The following MUC5B variants were observed in gnomAD, a reference collection of about 807,000 sequenced individuals.
MUC5B encodes the protein mucin-5B.
Under a neutral mutation model 376.9 loss-of-function variants are expected in MUC5B, and 116 were observed. That is an observed-to-expected ratio of 0.31 (90% CI 0.26 to 0.36). The LOEUF (loss-of-function observed/expected upper bound fraction) is 0.36. Ranked by LOEUF, MUC5B falls within the 10% of genes least tolerant of loss-of-function variation. The probability of loss-of-function intolerance (pLI) is 1.00; values close to 1 mark genes in which losing one functional copy is unlikely to be tolerated. For synonymous variants in MUC5B, 3,517 were observed against 3,390.9 expected, an observed-to-expected ratio of 1.04 and a Z score of -1.29; for missense variants, 7,165 against 7,769.9, an observed-to-expected ratio of 0.92 and a Z score of 2.93.
chr11:1,240,434 C>T (rs1440662785), intron 30 of MUC5B, 59 bp downstream of exon 30: 4 of 1,479,114 alleles, frequency 2.7e-6, no homozygotes, highest in Admixed American at 2.0e-5. Flanking sequence ...GGAGGACCCC[C>T]TGGGCTCTTA....
In MUC5B at chr11:1,227,700, T is replaced by A; in HGVS notation, c.693T>A (p.Phe231Leu). The A allele has an allele frequency of 1.4e-6, 1 of 723,368 alleles. No individual in the cohort carries two copies. The allele number at this position is 723,368 out of a possible 1,614,324, so 44.8% of individuals were successfully genotyped here. ...ACGCCAGGCTGACCCCGCTCCAGTT[T>A]GGGAACCTGCAGAAGTTGGATGGGC... Reference protein sequence around the residue: ...AHNARLTPLQFGNLQKLDGPT... With the variant: ...AHNARLTPLQLGNLQKLDGPT... The change falls in exon 7 of 49, where the codon TTT becomes TTA. Residue 231 changes from phenylalanine (F) to leucine (L), a missense_variant. Transcript: ENST00000529681.
Position 1,230,060 on chromosome 11 carries a change from T to A in MUC5B, c.1276T>A (p.Ser426Thr), listed in dbSNP as rs1861987669. 1 of 1,611,314 alleles carries A rather than the reference T, an allele frequency of 6.2e-7. No homozygotes were observed. The highest frequency in any genetic ancestry group is 1.1e-5 in the South Asian group (1 of 90,912). The part of the protein sequence containing the change: ...CQDLPCPGTC[S>T]VQGGAHISTY... ...GGACCTGCCGTGCCCTGGCACCTGC[T>A]CTGTGCAGGGCGGGGCCCACATCTC... Residue 426 changes from serine to threonine, a missense_variant, in exon 11 of 49, where the codon TCT becomes ACT. By Grantham distance (58) the Ser-to-Thr change is moderately conservative. This residue lies in a region of MUC5B where 640 missense variants were observed against 733.0 expected (regional missense o/e 0.87). Transcript: ENST00000529681.
At position 1,247,767 on chromosome 11, in the gene MUC5B, G is replaced by T. The variant is rs1471421452; in HGVS notation, c.10887G>T (p.Glu3629Asp). Reference sequence around the variant, plus strand: ...CCCAGCCTGGTGTCCCCCTGCGGGAGTTGGGCCAGGTCGTGGAATGCAGCC... The same window carrying T: ...CCCAGCCTGGTGTCCCCCTGCGGGATTTGGGCCAGGTCGTGGAATGCAGCC... ...AQAQPGVPLRELGQVVECSLD... is the reference protein window; with the variant it reads ...AQAQPGVPLRDLGQVVECSLD... Residue 3629 changes from glutamate to aspartate, a missense_variant, in exon 31 of 49, where the codon GAG becomes GAT. Coordinates refer to ENST00000529681, the MANE Select transcript of MUC5B (RefSeq NM_002458.3). 6.2e-7 allele frequency: 1 copy of T among 1,607,722 alleles called. No homozygotes were observed. The highest frequency in any genetic ancestry group is 8.5e-7 in the Non-Finnish European group (1 of 1,177,928).
At position 1,246,840 on chromosome 11, in the gene MUC5B, C is replaced by T. The variant is rs771191429; in HGVS notation, c.9960C>T (p.Pro3320=). 13 of 1,609,912 alleles carry T rather than the reference C, an allele frequency of 8.1e-6. No individual in the cohort carries two copies. Among genetic ancestry groups the T allele is most frequent in the Admixed American group, 1.7e-5 (1 of 59,894 alleles). Residue 3320 remains proline (P), a synonymous_variant, in exon 31 of 49, where the codon CCC becomes CCT. Transcript: ENST00000529681. ...TTTTTGFTAT[P]SSSPGTALTP... ...CAACCACGGGCTTCACAGCCACCCC[C>T]TCCTCCAGCCCAGGGACGGCACTCA...
In MUC5B at chr11:1,230,859, G is replaced by A; in HGVS notation, c.1471-77G>A. Reference sequence around the variant, plus strand: ...GCTCTGTCCCCAGTGGGGGCCCCTGGGCAGGCCACCCCCTCATTTGAGAGT... The same window carrying A: ...GCTCTGTCCCCAGTGGGGGCCCCTGAGCAGGCCACCCCCTCATTTGAGAGT... On this transcript the variant is annotated intron_variant, in intron 12 of 48. Coordinates refer to ENST00000529681, the MANE Select transcript of MUC5B (RefSeq NM_002458.3). 4.6e-6 allele frequency: 7 copies of A among 1,514,500 alleles called. No individual in the cohort carries two copies. In the South Asian group the frequency reaches 6.0e-5, roughly 13 times the overall value. The allele number at this position is 1,514,500 out of a possible 1,614,324, so 93.8% of individuals were successfully genotyped here.
Position 1,228,605 on chromosome 11 carries a change from G to A in MUC5B, c.816G>A (p.Ala272=), listed in dbSNP as rs374102442. The A allele has an allele frequency of 2.9e-4, 438 of 1,531,528 alleles. No individual in the cohort carries two copies. The highest frequency in any genetic ancestry group is 3.4e-4 in the Non-Finnish European group (386 of 1,144,382). 94.9% of individuals were successfully genotyped at this position (1,531,528 alleles called of 1,614,324 possible). A position where few individuals can be genotyped will look rare whatever the true frequency, so the allele number is the denominator to read the frequency against. The part of the protein sequence containing the change: ...CHRTLLGPAF[A]ECHALVDSTA... The stretch of plus-strand genomic sequence containing the variant: ...GCACCCTGCTGGGGCCGGCCTTTGC[G>A]GAGTGCCACGCACTGGTGGACAGCA... The change falls in exon 8 of 49, where the codon GCG becomes GCA. Residue 272 remains alanine, a synonymous_variant. Coordinates refer to ENST00000529681, the MANE Select transcript of MUC5B (RefSeq NM_002458.3).
chr11:1,223,747 CG>C (rs1033307228), intron 1 of MUC5B, among the ~76,000 whole-genome samples: 1 of 152,260 alleles, frequency 6.6e-6, no homozygotes, highest in Non-Finnish European at 1.5e-5. Context: ...CATCTCATGC[CG>C]CACGGGCTGC....
chr11:1,235,557 AG>A, intron 23 of MUC5B, 144 bp downstream of exon 23: 1 of 705,328 alleles, frequency 1.4e-6, no homozygotes, highest in Non-Finnish European at 2.4e-6. Context: ...GCCACAAACC[AG>A]GGGGCTTAGA....
rs757312427 is a variant in MUC5B, at chr11:1,255,569, GCGGCCC to G, written c.16066+15_16066+20del. On this transcript the variant is annotated intron_variant, in intron 37 of 48. Coordinates refer to ENST00000529681, the MANE Select transcript of MUC5B (RefSeq NM_002458.3). Reference sequence around the variant, plus strand: ...CCGGTGGCCTGTGCGGTGAGTGGGGGCGGCCCCGGGCCCCCCAGACCCCTCGGCCTC... The same window carrying G: ...CCGGTGGCCTGTGCGGTGAGTGGGGGCGGGCCCCCCAGACCCCTCGGCCTC... The G allele has an allele frequency of 2.7e-6, 4 of 1,507,396 alleles. No homozygotes were observed. The South Asian group carries it at 4.9e-5, about 19-fold the overall frequency. The allele number at this position is 1,507,396 out of a possible 1,614,324, so 93.4% of individuals were successfully genotyped here.
chr11:1,235,152 G>T lies in MUC5B; in HGVS notation c.2698G>T (p.Asp900Tyr). ...CCTGGGCACCTGCGTGGCCTACGGG[G>T]ATGGCCACTTCATCACCTTTGATGG... ...LCLGTCVAYG[D>Y]GHFITFDGDR... The change falls in exon 22 of 49, where the codon GAT becomes TAT. Residue 900 changes from aspartate (D) to tyrosine (Y), a missense_variant. Asp to Tyr is a radical substitution (Grantham distance 160). Around this residue, in one of 31 missense-constraint regions of MUC5B, gnomAD observed 530 missense variants for 604.0 expected, o/e 0.88. Coordinates refer to ENST00000529681, the MANE Select transcript of MUC5B (RefSeq NM_002458.3). 6.2e-7 allele frequency: 1 copy of T among 1,613,044 alleles called. No homozygotes were observed. Among genetic ancestry groups the T allele is most frequent in the Non-Finnish European group, 8.5e-7 (1 of 1,179,718 alleles).
chr11:1,223,461 C>T, intron 1 of MUC5B: 1 of 573,472 alleles, frequency 1.7e-6, no homozygotes. Context: ...TGGGAGACCA[C>T]CGAAAGGGTC....
rs746438655 is a variant in MUC5B at position 1,249,996 on chromosome 11, G to T, written c.13116G>T (p.Thr4372=). 13 of 1,606,958 alleles carry T rather than the reference G, an allele frequency of 8.1e-6. No individual in the cohort carries two copies. Among genetic ancestry groups the T allele is most frequent in the African/African-American group, 2.7e-5 (2 of 73,506 alleles). ...CAGTGCTGACCACGAAGGCCACCAC[G>T]ACAAGGGCCACCAGTTCCACGTCCA... ...TSTVLTTKAT[T]TRATSSTSTP... Residue 4372 remains threonine, a synonymous_variant, in exon 31 of 49, where the codon ACG becomes ACT. Transcript: ENST00000529681.
Position 1,251,337 on chromosome 11 carries a change from C to T in MUC5B, c.14457C>T (p.Leu4819=), listed in dbSNP as rs1862684635. The change falls in exon 31 of 49, where the codon CTC becomes CTT. Residue 4819 remains leucine, a synonymous_variant. Coordinates refer to ENST00000529681, the MANE Select transcript of MUC5B (RefSeq NM_002458.3). ...PSSTLGTTRI[L]TELTTTATTT... is the part of the protein sequence containing the mutation. ...CCACTCTGGGGACGACCCGGATCCT[C>T]ACTGAGCTGACCACAACAGCCACTA... 1.2e-6 allele frequency: 2 copies of T among 1,611,054 alleles called. No homozygotes were observed. Among genetic ancestry groups the T allele is most frequent in the South Asian group, 1.1e-5 (1 of 91,014 alleles).
In MUC5B at chr11:1,244,748, G is replaced by T. The variant is rs771910415; in HGVS notation, c.7868G>T (p.Ser2623Ile). Residue 2623 changes from serine (S) to isoleucine (I), a missense_variant, in exon 31 of 49, where the codon AGC becomes ATC. Around this residue, in one of 31 missense-constraint regions of MUC5B, gnomAD observed 141 missense variants for 111.2 expected, o/e 1.27. Coordinates refer to ENST00000529681, the MANE Select transcript of MUC5B (RefSeq NM_002458.3). ...TTGFTATPSS[S>I]PGTARTLPVW... ...GGCTTCACAGCCACCCCCTCCTCCA[G>T]CCCAGGGACGGCACGCACGCTTCCA... 6.2e-7 allele frequency: 1 copy of T among 1,611,826 alleles called. No individual in the cohort carries two copies. Among genetic ancestry groups the T allele is most frequent in the Non-Finnish European group, 8.5e-7 (1 of 1,178,860 alleles).
At position 1,257,741 on chromosome 11, in the gene MUC5B, A is replaced by G. The variant is rs1862880316; in HGVS notation, c.16450+31A>G. The G allele has an allele frequency of 3.9e-6, 6 of 1,520,514 alleles. No individual in the cohort carries two copies. The African/African-American group carries it at 6.9e-5, about 17-fold the overall frequency. 94.2% of individuals were successfully genotyped at this position (1,520,514 alleles called of 1,614,324 possible). A position where few individuals can be genotyped will look rare whatever the true frequency, so the allele number is the denominator to read the frequency against. Reference sequence around the variant, plus strand: ...ACGCTGCAGAGCAGAGGTGCCCGGCATAGGGTGAGGGGGGACAGAGCCGGT... The same window carrying G: ...ACGCTGCAGAGCAGAGGTGCCCGGCGTAGGGTGAGGGGGGACAGAGCCGGT... On this transcript the variant is annotated intron_variant, in intron 41 of 48. Coordinates refer to ENST00000529681, the MANE Select transcript of MUC5B (RefSeq NM_002458.3). This position sits in a 1 kb window ranked among gnomAD's most constrained non-coding sequence, Gnocchi z 8.9.
At position 1,229,164 on chromosome 11, in the gene MUC5B, G is replaced by T. The variant is rs1358135510; in HGVS notation, c.977-6G>T. The T allele has an allele frequency of 1.9e-6, 3 of 1,583,214 alleles. No individual in the cohort carries two copies. The highest frequency in any genetic ancestry group is 2.3e-5 in the South Asian group (2 of 87,442). ...CCCTGGCCCAGCCCCACCTCCTTTT[G>T]CGCAGCCCGGACCTGCCCCCTCAAC... On this transcript the variant is annotated splice_polypyrimidine_tract_variant and splice_region_variant and intron_variant, in intron 8 of 48. Coordinates refer to ENST00000529681, the MANE Select transcript of MUC5B (RefSeq NM_002458.3).
chr11:1,232,308 GCGGC>G, intron 15 of MUC5B, 138 bp from the exon 16 acceptor site: 1 of 1,342,438 alleles, frequency 7.4e-7, no homozygotes. Flanking sequence ...TTGGGGCCAG[GCGGC>G]CAGAACCCCC....
Position 1,242,502 on chromosome 11 carries a change from G to A in MUC5B, c.5622G>A (p.Val1874=), listed in dbSNP as rs766646533. The part of the protein sequence containing the change: ...GRFNMCFNYN[V]RVLCCDDYSH... ...TCAACATGTGCTTCAACTACAACGT[G>A]CGTGTGCTTTGCTGTGACGACTACA... Residue 1874 remains valine, a synonymous_variant, in exon 31 of 49, where the codon GTG becomes GTA. Transcript: ENST00000529681. The A allele has an allele frequency of 2.5e-6, 4 of 1,613,778 alleles. No individual in the cohort carries two copies. The highest frequency in any genetic ancestry group is 4.5e-5 in the East Asian group (2 of 44,886).
intron 17 of MUC5B, 81 bp downstream of exon 17, chr11:1,232,851 A>T (rs1862061368): frequency 1.9e-5 from 29 of 1,493,164 alleles, no homozygotes; most frequent in Non-Finnish European, 2.6e-5. Context: ...GCCGTCACTC[A>T]CACGGTTCTC....
Sources: gnomAD v4.1 joint callset for allele counts (sites outside exome capture counted in the v4.1 genomes callset) on GRCh38, gnomAD v4.1.1 for gene constraint, gnomAD v4.1.1 regional missense constraint, Gnocchi (gnomAD v3.1) non-coding constraint, MANE v1.5 for transcripts, NCBI Gene and HGNC (gene_info 2026-07-23, HGNC 2026-07-21) for gene names.